Variants in PLCB1 observed in about 807,000 individuals in gnomAD.
PLCB1 encodes phospholipase C beta 1.
In PLCB1, 46 loss-of-function variants were observed where a neutral mutation model predicts 161.8. The ratio of observed to expected loss-of-function variants is 0.28; its 90% CI spans 0.22 to 0.36. The LOEUF is 0.36. Ranked by LOEUF, PLCB1 falls within the 10% of genes least tolerant of loss-of-function variation. The pLI is 1.00. For synonymous variants in PLCB1, 517 were observed against 503.7 expected (o/e 1.03, Z -0.35); for missense variants, 1,016 against 1,472.5 (o/e 0.69, Z 5.07).
rs952112974 is a variant in PLCB1, at chr20:8,882,035, G to A, written c.*186G>A. The stretch of plus-strand genomic sequence containing the variant: ...CATGCCCAGGCTCCATGTGTCATGT[G>A]GAAACCTCCACAGGTCTGCTAGTGA... On this transcript the variant is annotated 3_prime_UTR_variant, in exon 32 of 32. Coordinates refer to ENST00000338037, the MANE Select transcript of PLCB1 (RefSeq NM_015192.4). The A allele has an allele frequency of 5.1e-6, 3 of 586,600 alleles. No homozygotes were observed. Among genetic ancestry groups the A allele is most frequent in the East Asian group, 2.8e-5 (1 of 35,458 alleles). 36.3% of individuals were successfully genotyped at this position (586,600 alleles called of 1,614,324 possible). A position where few individuals can be genotyped will look rare whatever the true frequency, so the allele number is the denominator to read the frequency against.
intron 25 of PLCB1, among the ~76,000 whole-genome samples, chr20:8,763,842 T>C (rs564118043): frequency 2.4e-4 from 37 of 152,084 alleles, no homozygotes; most frequent in African/African-American, 8.4e-4. Context: ...GGTCAGACTC[T>C]ATCACATTCA....
chr20:8,387,509 A>G (rs1987459902), intron 3 of PLCB1, among the ~76,000 whole-genome samples: 1 of 152,222 alleles, frequency 6.6e-6, no homozygotes, highest in African/African-American at 2.4e-5. Context: ...ATCAAAGATC[A>G]CTGATCACAG....
At chr20:8,783,294 T>A (rs535344180) in intron 27 of PLCB1, among the ~76,000 whole-genome samples, 14 of 152,362 alleles carry the variant, frequency 9.2e-5, no homozygotes, top group Admixed American at 3.3e-4. Context: ...CTACCTTTAA[T>A]AGTCAGTTTA....
intron 9 of PLCB1, among the ~76,000 whole-genome samples, chr20:8,666,452 C>G (rs920818390): frequency 2.0e-5 from 3 of 152,362 alleles, no homozygotes; most frequent in South Asian, 4.1e-4. Flanking sequence ...TGTGCCTCAT[C>G]ATTCCTGCCA....
intron 3 of PLCB1, among the ~76,000 whole-genome samples, chr20:8,504,207 G>A (rs1185419252): frequency 2.0e-5 from 3 of 152,122 alleles, no homozygotes; most frequent in Non-Finnish European, 4.4e-5. Context: ...GCCCAGTGAC[G>A]GAGCCTGCAC....
intron 9 of PLCB1, among the ~76,000 whole-genome samples, chr20:8,681,015 TACAC>T (rs1218672115): frequency 6.8e-6 from 1 of 148,050 alleles, no homozygotes; most frequent in Non-Finnish European, 1.5e-5. Context: ...TACAAACACA[TACAC>T]ATACAAACAC....
rs933266463 is a variant in PLCB1 at position 8,714,140 on chromosome 20, C to T, written c.1251-2124C>T. On this transcript the variant is annotated intron_variant, in intron 12 of 31. Transcript: ENST00000338037. Reference sequence around the variant, plus strand: ...TCGCAGTGGTTTTCAAGCTTGAACACACACCAGAATCAAGAGGGCTTGTTA... The same window carrying T: ...TCGCAGTGGTTTTCAAGCTTGAACATACACCAGAATCAAGAGGGCTTGTTA... Among the ~76,000 whole-genome samples the T allele has an allele frequency of 2.0e-5, 3 of 152,072 alleles. No individual in the cohort carries two copies. In the South Asian group the frequency reaches 6.2e-4, roughly 32 times the overall value.
chr20:8,758,136 G>A (rs978861259), intron 24 of PLCB1, among the ~76,000 whole-genome samples: 2 of 150,542 alleles, frequency 1.3e-5, no homozygotes, highest in African/African-American at 4.9e-5. Flanking sequence ...TTCCATGAAG[G>A]TGTGGAAAGG....
intron 3 of PLCB1, among the ~76,000 whole-genome samples, chr20:8,402,449 T>C (rs1935671): frequency 0.25 from 37,805 of 152,032 alleles, 4,975 homozygotes; most frequent in Middle Eastern, 0.3. Context: ...GTGGAGCTTT[T>C]ATTTACATTT....
intron 2 of PLCB1, among the ~76,000 whole-genome samples, chr20:8,205,317 T>C (rs1363680664): frequency 6.6e-6 from 1 of 152,182 alleles, no homozygotes; most frequent in Non-Finnish European, 1.5e-5. Flanking sequence ...ATACATTCTG[T>C]GAAATACTTA....
intron 3 of PLCB1, among the ~76,000 whole-genome samples, chr20:8,425,697 T>C (rs1979736492): frequency 6.6e-6 from 1 of 152,210 alleles, no homozygotes; most frequent in Non-Finnish European, 1.5e-5. Context: ...TGCCTCTAAA[T>C]TAGGTGACTG....
At chr20:8,386,093 C>T (rs1987418201) in intron 3 of PLCB1, among the ~76,000 whole-genome samples, 1 of 152,174 alleles carries the variant, frequency 6.6e-6, no homozygotes, top group African/African-American at 2.4e-5. Context: ...AAGTCAAAGT[C>T]GTCCATGAGG....
At chr20:8,205,618 G>A (rs1428411600) in intron 2 of PLCB1, among the ~76,000 whole-genome samples, 1 of 152,044 alleles carries the variant, frequency 6.6e-6, no homozygotes, top group East Asian at 1.9e-4. Flanking sequence ...TTAAAATTAT[G>A]GCACTTGTGA....
intron 1 of PLCB1, among the ~76,000 whole-genome samples, chr20:8,136,478 T>C (rs1257336633): frequency 6.6e-6 from 1 of 151,882 alleles, no homozygotes; most frequent in African/African-American, 2.4e-5. Flanking sequence ...TACAAAAAAT[T>C]AGCCGGGCGT....
intron 2 of PLCB1, among the ~76,000 whole-genome samples, chr20:8,208,542 A>G (rs1423681051): frequency 2.6e-5 from 4 of 151,996 alleles, no homozygotes; most frequent in Non-Finnish European, 1.5e-5. Context: ...TTTCAAATTA[A>G]TTAAAGGGTT....
intron 26 of PLCB1, among the ~76,000 whole-genome samples, chr20:8,767,013 G>T (rs1444304499): frequency 6.6e-6 from 1 of 152,114 alleles, no homozygotes; most frequent in Non-Finnish European, 1.5e-5. Flanking sequence ...GTAAAATATG[G>T]GGTCAGAGGC....
intron 5 of PLCB1, 142 bp downstream of exon 5, chr20:8,646,323 G>A (rs1450131499): frequency 1.6e-6 from 1 of 640,588 alleles, no homozygotes; most frequent in African/African-American, 1.8e-5. Flanking sequence ...TTAGAGAACT[G>A]ATACCTCCCC....
intron 24 of PLCB1, among the ~76,000 whole-genome samples, chr20:8,757,619 A>G (rs1365151054): frequency 1.3e-5 from 2 of 152,100 alleles, no homozygotes; most frequent in African/African-American, 4.8e-5. Context: ...CACATTGCTA[A>G]GCTTTTCATA....
In PLCB1 at chr20:8,774,687, G is replaced by A. The variant is rs751280185; in HGVS notation, c.3079G>A (p.Glu1027Lys). 5.0e-6 allele frequency: 8 copies of A among 1,606,394 alleles called. No homozygotes were observed. In the South Asian group the frequency reaches 8.9e-5, roughly 18 times the overall value. ...LNLRQEQYYSEKYQKREHIKL... is the reference protein window; with the variant it reads ...LNLRQEQYYSKKYQKREHIKL... The stretch of plus-strand genomic sequence containing the variant: ...TCTTCGGCAAGAACAGTATTATAGT[G>A]AAAAATACCAGAAGCGAGAACATAT... Residue 1027 changes from glutamate to lysine, a missense_variant, in exon 27 of 32, where the codon GAA becomes AAA. This residue lies in a region of PLCB1 where 398 missense variants were observed against 445.4 expected (regional missense o/e 0.89). Coordinates refer to ENST00000338037, the MANE Select transcript of PLCB1 (RefSeq NM_015192.4).
Sources: allele counts gnomAD v4.1 joint callset (sites outside exome capture counted in the v4.1 genomes callset), GRCh38; gene constraint gnomAD v4.1.1; regional missense constraint gnomAD v4.1.1; transcripts MANE v1.5; gene names NCBI Gene and HGNC (gene_info 2026-07-23, HGNC 2026-07-21).